Variants in EIF2AK2 observed in about 807,000 individuals in gnomAD.
EIF2AK2 encodes interferon-induced, double-stranded RNA-activated protein kinase.
In EIF2AK2, 40 loss-of-function variants were observed where a neutral mutation model predicts 70.5. The ratio of observed to expected loss-of-function variants is 0.57; its 90% confidence interval spans 0.44 to 0.74. The LOEUF (loss-of-function observed/expected upper bound fraction) is 0.74, where lower values mean the gene tolerates loss of function less well. EIF2AK2 is among the 30% of genes least tolerant of loss of function. EIF2AK2 has a pLI of 0.00. For synonymous variants in EIF2AK2, 198 were observed against 220.9 expected (o/e 0.90, Z 0.92); for missense variants, 555 against 644.3 (o/e 0.86, Z 1.50).
intron 13 of EIF2AK2, among the ~76,000 whole-genome samples, chr2:37,118,768 G>T (rs182664967): frequency 1.3e-5 from 2 of 152,146 alleles, no homozygotes; most frequent in Non-Finnish European, 2.9e-5. Flanking sequence ...GGCAGACCAC[G>T]GAAGCAATAC....
chr2:37,127,175 T>C (rs1010938474), intron 10 of EIF2AK2, among the ~76,000 whole-genome samples: 1 of 152,092 alleles, frequency 6.6e-6, no homozygotes, highest in South Asian at 2.1e-4. Flanking sequence ...CATTAAGACC[T>C]GTCAATTCTA....
At chr2:37,148,093 G>A (rs368666309) in intron 2 of EIF2AK2, among the ~76,000 whole-genome samples, 10 of 152,068 alleles carry the variant, frequency 6.6e-5, no homozygotes, top group Non-Finnish European at 1.0e-4. Context: ...CAAGGTGGGC[G>A]GATCACCTGA....
At position 37,107,129 on chromosome 2, in the gene EIF2AK2, T is replaced by A. The variant is rs1187917120; in HGVS notation, c.*144A>T. On this transcript the variant is annotated 3_prime_UTR_variant, in exon 17 of 17. Transcript: ENST00000233057. ...AGCAAAAAGAAGAAAACCTTTCTGTTTCTGCAGAAAGATTAGTAAAAATAG... is the reference window on the plus strand; with the variant it reads ...AGCAAAAAGAAGAAAACCTTTCTGTATCTGCAGAAAGATTAGTAAAAATAG... 4 of 1,044,650 alleles carry A rather than the reference T, an allele frequency of 3.8e-6. No individual in the cohort carries two copies. The highest frequency in any genetic ancestry group is 5.2e-6 in the Non-Finnish European group (4 of 775,584). 64.7% of individuals were successfully genotyped at this position (1,044,650 alleles called of 1,614,324 possible). A position where few individuals can be genotyped will look rare whatever the true frequency, so the allele number is the denominator to read the frequency against.
Position 37,120,146 on chromosome 2 carries a change from A to T in EIF2AK2, c.1068-7T>A. 1 of 1,396,266 alleles carries T rather than the reference A, an allele frequency of 7.2e-7. No individual in the cohort carries two copies. The highest frequency in any genetic ancestry group is 9.3e-7 in the Non-Finnish European group (1 of 1,070,050). 86.5% of individuals were successfully genotyped at this position (1,396,266 alleles called of 1,614,324 possible). A position where few individuals can be genotyped will look rare whatever the true frequency, so the allele number is the denominator to read the frequency against. On this transcript the variant is annotated splice_polypyrimidine_tract_variant and splice_region_variant and intron_variant, in intron 12 of 16. Coordinates refer to ENST00000233057, the MANE Select transcript of EIF2AK2 (RefSeq NM_001135651.3). ...AAGGCACTTAGTCTTTGACCTGGGT[A>T]TAAAATTCACAGTATGTTAAAAGTA...
Position 37,138,545 on chromosome 2 carries a change from C to G in EIF2AK2, c.557G>C (p.Cys186Ser), listed in dbSNP as rs770476926. The change falls in exon 7 of 17, where the codon TGT becomes TCT. Residue 186 changes from cysteine to serine, a missense_variant. This residue lies in a region of EIF2AK2 where 208 missense variants were observed against 191.8 expected (regional missense o/e 1.08). Coordinates refer to ENST00000233057, the MANE Select transcript of EIF2AK2 (RefSeq NM_001135651.3). Reference sequence around the variant, plus strand: ...CACTAAAGAGTTGCTTTGGGACTCACACGTAGTAGCAAAAGAACCAGAGGA... The same window carrying G: ...CACTAAAGAGTTGCTTTGGGACTCAGACGTAGTAGCAAAAGAACCAGAGGA... ...YLSSGSFATT[C>S]ESQSNSLVTS... The G allele has an allele frequency of 1.4e-5, 22 of 1,613,998 alleles. No individual in the cohort carries two copies. Among genetic ancestry groups the G allele is most frequent in the Non-Finnish European group, 1.8e-5 (21 of 1,180,014 alleles).
intron 10 of EIF2AK2, among the ~76,000 whole-genome samples, chr2:37,130,472 T>C (rs1674901766): frequency 6.6e-6 from 1 of 152,208 alleles, no homozygotes; most frequent in South Asian, 2.1e-4. Context: ...CAAAACCAGA[T>C]GGCTCCTATA....
chr2:37,129,697 C>T (rs904380476), intron 10 of EIF2AK2, among the ~76,000 whole-genome samples: 2 of 152,144 alleles, frequency 1.3e-5, no homozygotes, highest in Non-Finnish European at 2.9e-5. Flanking sequence ...AAACCCCATA[C>T]AAAACACTGC....
chr2:37,121,054 G>C (rs1325138584), intron 12 of EIF2AK2, among the ~76,000 whole-genome samples: 1 of 149,040 alleles, frequency 6.7e-6, no homozygotes, highest in Non-Finnish European at 1.5e-5. Context: ...ACGAGGTCAG[G>C]AGATCAAGAC....
At chr2:37,120,431 C>T (rs1674498885) in intron 12 of EIF2AK2, among the ~76,000 whole-genome samples, 1 of 137,460 alleles carries the variant, frequency 7.3e-6, no homozygotes. Flanking sequence ...GGCGTGAACC[C>T]GGTAGGCGGA....
intron 10 of EIF2AK2, among the ~76,000 whole-genome samples, chr2:37,134,994 A>G (rs1016678775): frequency 3.9e-5 from 6 of 152,270 alleles, no homozygotes; most frequent in Middle Eastern, 6.8e-3. Context: ...CCACTCCCTT[A>G]ACATACTTTA....
At chr2:37,149,284 C>A in intron 1 of EIF2AK2, 1 of 1,043,966 alleles carries the variant, frequency 9.6e-7, no homozygotes, top group South Asian at 1.3e-5. Flanking sequence ...AGAAATAATT[C>A]ATTATAAACA....
At chr2:37,144,742 G>A (rs930114865) in intron 4 of EIF2AK2, among the ~76,000 whole-genome samples, 2 of 151,844 alleles carry the variant, frequency 1.3e-5, no homozygotes, top group African/African-American at 2.4e-5. Flanking sequence ...CACCAAGCCC[G>A]GCTAATGTTT....
chr2:37,119,933 A>G, intron 13 of EIF2AK2, 26 bp downstream of exon 13: 2 of 1,221,444 alleles, frequency 1.6e-6, no homozygotes, highest in African/African-American at 1.6e-5. Flanking sequence ...ATATATATCA[A>G]TTAATAAAGT....
rs557711933 is a variant in EIF2AK2 at position 37,106,214 on chromosome 2, T to C, written c.*1059A>G. 6.6e-6 allele frequency: 1 copy of C among 152,370 alleles called. No homozygotes were observed. The highest frequency in any genetic ancestry group is 1.9e-4 in the East Asian group (1 of 5,194). 9.4% of individuals were successfully genotyped at this position (152,370 alleles called of 1,614,324 possible). On this transcript the variant is annotated 3_prime_UTR_variant, in exon 17 of 17. Transcript: ENST00000233057. The stretch of plus-strand genomic sequence containing the variant: ...TTATACAAAATGATTTAGTTTTGCA[T>C]GCTCTGGAACTTTATATAAATGGAA...
At chr2:37,148,421 C>T (rs1389620448) in intron 2 of EIF2AK2, 4 of 370,258 alleles carry the variant, frequency 1.1e-5, no homozygotes, top group African/African-American at 6.4e-5. Context: ...CCTGTGTGGA[C>T]GTGGATCCTG....
rs1410425125 is a variant in EIF2AK2 at position 37,147,630 on chromosome 2, A to G, written c.119+58T>C. ...TTTCCAGCTTCATCCATGTCCCTACAAAGGACATGAACTCATCATTTTTTA... is the reference window on the plus strand; with the variant it reads ...TTTCCAGCTTCATCCATGTCCCTACGAAGGACATGAACTCATCATTTTTTA... On this transcript the variant is annotated intron_variant, in intron 3 of 16. Coordinates refer to ENST00000233057, the MANE Select transcript of EIF2AK2 (RefSeq NM_001135651.3). 2.6e-6 allele frequency: 3 copies of G among 1,157,590 alleles called. No individual in the cohort carries two copies. The African/African-American group carries it at 4.6e-5, about 18-fold the overall frequency. The allele number at this position is 1,157,590 out of a possible 1,614,324, so 71.7% of individuals were successfully genotyped here.
In EIF2AK2 at chr2:37,107,221, A is replaced by G; in HGVS notation, c.*52T>C. The G allele has an allele frequency of 6.3e-7, 1 of 1,576,020 alleles. No homozygotes were observed. The highest frequency in any genetic ancestry group is 1.4e-5 in the African/African-American group (1 of 73,226). On this transcript the variant is annotated 3_prime_UTR_variant, in exon 17 of 17. Coordinates refer to ENST00000233057, the MANE Select transcript of EIF2AK2 (RefSeq NM_001135651.3). ...ATTGATATTCCCTAGCAGATTTTAG[A>G]TAATTTAAGGAAAACTGCATATCAG... is the stretch of plus-strand genomic sequence containing the variant.
At chr2:37,156,629 G>A (rs11899117) in intron 1 of EIF2AK2, among the ~76,000 whole-genome samples, 57,833 of 152,134 alleles carry the variant, frequency 0.38, 11,680 homozygotes, top group East Asian at 0.77. Flanking sequence ...TACTTGCACT[G>A]ATAAAAATTC....
chr2:37,142,380 G>A (rs1000423598), intron 4 of EIF2AK2, among the ~76,000 whole-genome samples: 3 of 152,018 alleles, frequency 2.0e-5, no homozygotes, highest in East Asian at 1.9e-4. Flanking sequence ...TTATCTGCCC[G>A]CCTCAGCCTT....
Sources: gnomAD v4.1 joint callset for allele counts (sites outside exome capture counted in the v4.1 genomes callset) on GRCh38, gnomAD v4.1.1 for gene constraint, gnomAD v4.1.1 regional missense constraint, MANE v1.5 for transcripts, NCBI Gene and HGNC (gene_info 2026-07-23, HGNC 2026-07-21) for gene names.